Variants in EVA1A observed in about 807,000 individuals in gnomAD.
EVA1A encodes protein eva-1 homolog A.
A neutral mutation model predicts 9.8 loss-of-function variants in EVA1A; 7 were observed. The ratio of observed to expected loss-of-function variants is 0.71; its 90% CI spans 0.41 to 1.34. EVA1A has a LOEUF of 1.34. Among genes scored for constraint, EVA1A ranks in the 40% most tolerant of loss-of-function variants. The probability of loss-of-function intolerance (pLI) is 0.01; values close to 1 mark genes in which losing one functional copy is unlikely to be tolerated. For synonymous variants in EVA1A, 90 were observed against 85.6 expected, an observed-to-expected ratio of 1.05 and a Z score of -0.28; for missense variants, 206 against 205.9, an observed-to-expected ratio of 1.00 and a Z score of 0.00.
intron 3 of EVA1A, among the ~76,000 whole-genome samples, chr2:75,514,261 G>A (rs1674925088): frequency 6.6e-6 from 1 of 152,106 alleles, no homozygotes; most frequent in African/African-American, 2.4e-5. Context: ...ATGCATCAAA[G>A]GTTAAAAATC....
chr2:75,534,652 A>G (rs1675811670), intron 1 of EVA1A, among the ~76,000 whole-genome samples: 1 of 152,170 alleles, frequency 6.6e-6, no homozygotes, highest in Non-Finnish European at 1.5e-5. Context: ...TGGATTTTAA[A>G]AATGACCCTT....
intron 3 of EVA1A, among the ~76,000 whole-genome samples, chr2:75,512,407 G>A (rs987000767): frequency 6.6e-6 from 1 of 152,042 alleles, no homozygotes; most frequent in African/African-American, 2.4e-5. Context: ...GGGGTAGATT[G>A]AGGAGAGATG....
intron 3 of EVA1A, among the ~76,000 whole-genome samples, chr2:75,510,940 A>G (rs1031666636): frequency 6.6e-6 from 1 of 152,200 alleles, no homozygotes; most frequent in Non-Finnish European, 1.5e-5. Flanking sequence ...ATGGAACACA[A>G]TTTTGCCCAT....
chr2:75,524,287 T>A (rs1327130204), intron 1 of EVA1A: 2 of 152,266 alleles, frequency 1.3e-5, no homozygotes, highest in African/African-American at 4.8e-5. Flanking sequence ...CATACCTGAA[T>A]CAAAGTAAAC....
At chr2:75,543,183 T>C (rs1558688991) in intron 1 of EVA1A, among the ~76,000 whole-genome samples, 1 of 152,126 alleles carries the variant, frequency 6.6e-6, no homozygotes, top group Non-Finnish European at 1.5e-5. Context: ...GCTTTTTTTT[T>C]CTCTAGAATT....
chr2:75,508,664 T>C (rs1402770592), intron 3 of EVA1A, among the ~76,000 whole-genome samples: 4 of 152,076 alleles, frequency 2.6e-5, no homozygotes, highest in Admixed American at 2.6e-4. Context: ...AAGTACTTGA[T>C]GTCTGTGACC....
intron 3 of EVA1A, among the ~76,000 whole-genome samples, chr2:75,502,077 T>C (rs1674447583): frequency 6.6e-6 from 1 of 152,222 alleles, no homozygotes; most frequent in Non-Finnish European, 1.5e-5. Context: ...GCCCAACTCA[T>C]GCAATAACTC....
intron 1 of EVA1A, chr2:75,526,277 G>T (rs992072267): frequency 6.6e-6 from 1 of 152,148 alleles, no homozygotes; most frequent in Non-Finnish European, 1.5e-5. Flanking sequence ...TCAATAATAA[G>T]GTAGCAATGC....
chr2:75,565,357 A>C (rs192438912), upstream of EVA1A, among the ~76,000 whole-genome samples: 760 of 152,302 alleles, frequency 5.0e-3, 6 homozygotes, highest in Middle Eastern at 0.01. Context: ...GCAGAGACAA[A>C]TTCCAAACAG....
At chr2:75,493,899 T>C (rs995215488) in intron 3 of EVA1A, among the ~76,000 whole-genome samples, 1 of 152,240 alleles carries the variant, frequency 6.6e-6, no homozygotes, top group Non-Finnish European at 1.5e-5. Flanking sequence ...TAGCACCTAC[T>C]GTACGCAAGC....
chr2:75,550,967 C>CA (rs1034967795), intron 1 of EVA1A, among the ~76,000 whole-genome samples: 73 of 152,164 alleles, frequency 4.8e-4, no homozygotes, highest in African/African-American at 1.6e-3. Flanking sequence ...ACTAAAAATA[C>CA]AAAAAATTAG....
At chr2:75,521,582 T>C (rs1275758743) in intron 2 of EVA1A, among the ~76,000 whole-genome samples, 2 of 152,222 alleles carry the variant, frequency 1.3e-5, no homozygotes, top group African/African-American at 4.8e-5. Flanking sequence ...AAAGGACAGG[T>C]ATTATATGAT....
In EVA1A at chr2:75,492,653, T is replaced by A. The variant is rs1674072740; in HGVS notation, c.*583A>T. ...AATACAATAGTTCTATTCATTTTCATGAATGAGGTGGGAACTACACTAAAA... is the reference window on the plus strand; with the variant it reads ...AATACAATAGTTCTATTCATTTTCAAGAATGAGGTGGGAACTACACTAAAA... On this transcript the variant is annotated 3_prime_UTR_variant, in exon 4 of 4. Transcript: ENST00000393913. The A allele has an allele frequency of 6.5e-6, 1 of 152,772 alleles. No homozygotes were observed. The highest frequency in any genetic ancestry group is 1.5e-5 in the Non-Finnish European group (1 of 68,138). The allele number at this position is 152,772 out of a possible 1,614,324, so 9.5% of individuals were successfully genotyped here.
chr2:75,568,312 CAATA>C (rs1431419601), intron 1 of EVA1A, among the ~76,000 whole-genome samples: 3 of 149,776 alleles, frequency 2.0e-5, no homozygotes, highest in East Asian at 3.9e-4. Context: ...TGTTACCAAT[CAATA>C]ATTATTATTA....
chr2:75,553,944 G>C (rs1277989570), intron 1 of EVA1A, among the ~76,000 whole-genome samples: 1 of 152,242 alleles, frequency 6.6e-6, no homozygotes, highest in Admixed American at 6.5e-5. Context: ...GTCAGAGGTT[G>C]CTTGGCCAAG....
intron 3 of EVA1A, among the ~76,000 whole-genome samples, chr2:75,513,168 T>C (rs926667726): frequency 1.3e-5 from 2 of 152,192 alleles, no homozygotes; most frequent in Non-Finnish European, 2.9e-5. Context: ...TGTATATATT[T>C]AAGGTGTACA....
chr2:75,548,681 G>A (rs1350439018), intron 1 of EVA1A, among the ~76,000 whole-genome samples: 2 of 152,096 alleles, frequency 1.3e-5, no homozygotes, highest in Admixed American at 1.3e-4. Context: ...TAGACAGCAT[G>A]TTGTAAAGAA....
chr2:75,503,755 A>T (rs1572948070), intron 3 of EVA1A, among the ~76,000 whole-genome samples: 1 of 152,246 alleles, frequency 6.6e-6, no homozygotes, highest in East Asian at 1.9e-4. Context: ...GACAGATAAC[A>T]GGCTGGGAAA....
At chr2:75,500,613 T>C (rs1009513162) in intron 3 of EVA1A, among the ~76,000 whole-genome samples, 3 of 152,164 alleles carry the variant, frequency 2.0e-5, no homozygotes, top group African/African-American at 7.2e-5. Context: ...AAAACTCCCA[T>C]GTACCTTCCA....
Sources: gnomAD v4.1 joint callset for allele counts (sites outside exome capture counted in the v4.1 genomes callset) on GRCh38, gnomAD v4.1.1 for gene constraint, MANE v1.5 for transcripts, NCBI Gene and HGNC (gene_info 2026-07-23, HGNC 2026-07-21) for gene names.